The following SHOX variants were observed in gnomAD, a reference collection of about 807,000 sequenced individuals.
SHOX encodes SHOX homeobox.
In SHOX, 12 loss-of-function variants were observed where a neutral mutation model predicts 29.6. The ratio of observed to expected loss-of-function variants is 0.41; its 90% CI spans 0.26 to 0.66. The LOEUF is 0.66. Ranked by LOEUF, SHOX falls within the 30% of genes least tolerant of loss-of-function variation. The pLI is 0.35. For missense variants in SHOX, 499 were observed against 437.7 expected (o/e 1.14, Z -1.25); for synonymous variants, 214 against 200.6 (o/e 1.07, Z -0.57).
At chrX:652,402 A>G (rs1030372133), downstream of SHOX, among the ~76,000 whole-genome samples, 25 of 129,806 alleles carry the variant, frequency 1.9e-4, no homozygotes, top group Admixed American at 6.2e-4. Context: ...TCATGATTGG[A>G]TTTGGCCGGC....
intron 1 of SHOX, chrX:624,741 T>TTTCTTTG (rs1364686749): frequency 1.4e-5 from 1 of 69,664 alleles, no homozygotes; most frequent in South Asian, 4.4e-4. Context: ...TTCTTTCTTT[T>TTTCTTTG]CTTTCTTCCT....
In SHOX at chrX:645,412, T is replaced by G. The variant is rs2052949146; in HGVS notation, c.*776T>G. ...GGTATTTTTTTTTTTTTTTTTTTTT[T>G]TTTTTTTTTTTGCTGTGTTACAGGA... On this transcript the variant is annotated 3_prime_UTR_variant, in exon 5 of 5. Transcript: ENST00000686671. 9.4e-6 allele frequency: 1 copy of G among 106,370 alleles called. No individual in the cohort carries two copies. Among genetic ancestry groups the G allele is most frequent in the African/African-American group, 3.3e-5 (1 of 30,326 alleles). 6.6% of individuals were successfully genotyped at this position (106,370 alleles called of 1,614,324 possible).
rs187965559 is a variant in SHOX, at chrX:643,775, T to C, written c.634-616T>C. Among the ~76,000 whole-genome samples, 378 of 113,758 alleles carry C rather than the reference T, an allele frequency of 3.3e-3. 27 individuals are homozygous for C. Among genetic ancestry groups the C allele is most frequent in the African/African-American group, 0.012 (321 of 25,792 alleles). 74.6% of individuals were successfully genotyped at this position (113,758 alleles called of 152,430 possible). A position where few individuals can be genotyped will look rare whatever the true frequency, so the allele number is the denominator to read the frequency against. ...CCGGGAGAGCCTTGGGGACCTGGTG[T>C]CCTGGGGAGAGGCTGGGGGACCTGG... On this transcript the variant is annotated intron_variant, in intron 4 of 4. Coordinates refer to ENST00000686671, the MANE Select transcript of SHOX (RefSeq NM_000451.4).
In SHOX at chrX:644,545, T is replaced by TCGCCGC; in HGVS notation, c.796_801dup (p.Ala266_Ala267dup). On this transcript the variant is annotated inframe_insertion, in exon 5 of 5. Coordinates refer to ENST00000686671, the MANE Select transcript of SHOX (RefSeq NM_000451.4). Reference sequence around the variant, plus strand: ...GAGTCCGCCTCGGCCGCCGCCGTGGTCGCCGCCGCCGCCAAAAGCAACAGC... The same window carrying TCGCCGC: ...GAGTCCGCCTCGGCCGCCGCCGTGGTCGCCGCCGCCGCCGCCGCCAAAAGCAACAGC... 2.0e-6 allele frequency: 3 copies of TCGCCGC among 1,517,962 alleles called. No individual in the cohort carries two copies. The highest frequency in any genetic ancestry group is 2.6e-5 in the East Asian group (1 of 38,968). The allele number at this position is 1,517,962 out of a possible 1,614,324, so 94.0% of individuals were successfully genotyped here.
At chrX:634,184 C>T (rs1569493572) in intron 1 of SHOX, among the ~76,000 whole-genome samples, 1 of 152,204 alleles carries the variant, frequency 6.6e-6, no homozygotes, top group Non-Finnish European at 1.5e-5. Context: ...GTGGGGATAG[C>T]GTCTCTCCGT....
chrX:653,918 G>A (rs55994425), downstream of SHOX, among the ~76,000 whole-genome samples: 1,258 of 137,988 alleles, frequency 9.1e-3, 16 homozygotes, highest in African/African-American at 0.038. Context: ...TGGAGTTGTC[G>A]TTAAAAAAAA....
chrX:631,405 A>C (rs996123465), intron 1 of SHOX, among the ~76,000 whole-genome samples: 1 of 152,126 alleles, frequency 6.6e-6, no homozygotes. Context: ...GGAGGGTCGC[A>C]GCGGGGGCCG....
At chrX:658,349 TGTATGG>T (rs1394937274) in intron 5 of SHOX, among the ~76,000 whole-genome samples, 2 of 152,014 alleles carry the variant, frequency 1.3e-5, no homozygotes, top group Non-Finnish European at 2.9e-5. Context: ...ACAGACTCAG[TGTATGG>T]GTTTTAGAGT....
exon 1 of SHOX, chrX:624,366 G>C (rs1029958895): frequency 1.4e-5 from 2 of 146,692 alleles, no homozygotes; most frequent in Non-Finnish European, 3.0e-5. Flanking sequence ...CCCGGGTCCT[G>C]AGAACAGGGG....
chrX:647,223 C>T lies in SHOX; in HGVS notation c.*2587C>T, dbSNP rs1048304514. ...TCCCGAGTAGCTGGGATTACAGGCA[C>T]CTGCCACCAGGCCTGGGTAACTTTC... is the stretch of plus-strand genomic sequence containing the variant. On this transcript the variant is annotated 3_prime_UTR_variant, in exon 5 of 5. Coordinates refer to ENST00000686671, the MANE Select transcript of SHOX (RefSeq NM_000451.4). 6.6e-6 allele frequency among the ~76,000 whole-genome samples: 1 copy of T among 151,776 alleles called. No homozygotes were observed. Among genetic ancestry groups the T allele is most frequent in the Non-Finnish European group, 1.5e-5 (1 of 67,976 alleles).
upstream of SHOX, among the ~76,000 whole-genome samples, chrX:626,229 T>A (rs1405025371): frequency 6.6e-6 from 1 of 150,778 alleles, no homozygotes; most frequent in Non-Finnish European, 1.5e-5. Context: ...TATCTCTATC[T>A]CTGTCTCTCT....
At chrX:632,973 G>A (rs1033750996) in intron 1 of SHOX, among the ~76,000 whole-genome samples, 5 of 152,164 alleles carry the variant, frequency 3.3e-5, no homozygotes, top group African/African-American at 1.2e-4. Flanking sequence ...GGACCCGGGA[G>A]AGCAAAGTGT....
intron 4 of SHOX, among the ~76,000 whole-genome samples, chrX:642,399 T>A (rs1380079210): frequency 6.6e-6 from 1 of 151,312 alleles, no homozygotes; most frequent in Non-Finnish European, 1.5e-5. Flanking sequence ...CGTGTTTGGC[T>A]GAGGGTGCAG....
upstream of SHOX, among the ~76,000 whole-genome samples, chrX:627,255 G>A (rs1233548804): frequency 6.6e-6 from 1 of 152,118 alleles, no homozygotes; most frequent in East Asian, 1.9e-4. Context: ...GCGGCCTCTC[G>A]GACAGCGTCT....
chrX:634,635 G>A lies in SHOX; in HGVS notation c.295G>A (p.Glu99Lys), dbSNP rs768170715. The part of the protein sequence containing the change: ...RVAEGIYECK[E>K]KREDVKSEDE... ...CCACGCAGGGATTTATGAATGCAAA[G>A]AGAAGCGCGAGGACGTGAAGTCGGA... Residue 99 changes from glutamate (E) to lysine (K), a missense_variant, in exon 2 of 5, where the codon GAG becomes AAG. By Grantham distance (56) the Glu-to-Lys change is moderately conservative. Transcript: ENST00000686671. The A allele has an allele frequency of 3.1e-6, 5 of 1,613,704 alleles. No individual in the cohort carries two copies. Among genetic ancestry groups the A allele is most frequent in the Non-Finnish European group, 4.2e-6 (5 of 1,179,888 alleles).
rs1294983990 is a variant in SHOX, at chrX:624,636, C to G, written c.-433+34C>G. The G allele has an allele frequency of 5.3e-5, 8 of 152,132 alleles. No homozygotes were observed. The South Asian group carries it at 1.5e-3, about 28-fold the overall frequency. The allele number at this position is 152,132 out of a possible 1,614,324, so 9.4% of individuals were successfully genotyped here. ...GGTTTTGGAACTTTCCTTTTCTTTT[C>G]CAGAAAGCTTTGCCTTCTTTCCTTT... On this transcript the variant is annotated intron_variant, in intron 1 of 5. Coordinates refer to the SHOX transcript ENST00000334060.
At chrX:653,011 C>T (rs1292477294), downstream of SHOX, among the ~76,000 whole-genome samples, 1 of 152,100 alleles carries the variant, frequency 6.6e-6, no homozygotes, top group African/African-American at 2.4e-5. Flanking sequence ...GAGGCCGAGG[C>T]GGGTGGATCA....
At chrX:625,372 G>A (rs1250327591) in intron 1 of SHOX, among the ~76,000 whole-genome samples, 1 of 151,970 alleles carries the variant, frequency 6.6e-6, no homozygotes, top group South Asian at 2.1e-4. Flanking sequence ...TTGGCAAAAG[G>A]CATTTCATAC....
upstream of SHOX, among the ~76,000 whole-genome samples, chrX:628,581 G>C (rs1178537800): frequency 3.8e-4 from 17 of 45,256 alleles, no homozygotes; most frequent in South Asian, 7.0e-4. Context: ...CTCTCTCCCT[G>C]TCTGTGTCTC....
Sources: allele counts gnomAD v4.1 joint callset (sites outside exome capture counted in the v4.1 genomes callset), GRCh38; gene constraint gnomAD v4.1.1; transcripts MANE v1.5; gene names NCBI Gene and HGNC (gene_info 2026-07-23, HGNC 2026-07-21).